The following DACH1 variants were observed in gnomAD, a reference collection of about 807,000 sequenced individuals.
The protein encoded by DACH1 is dachshund family transcription factor 1.
DACH1 carries 12 observed loss-of-function variants against 54.2 expected under a neutral mutation model. That is an observed-to-expected ratio of 0.22 (90% CI 0.14 to 0.36). The LOEUF is 0.36. Ranked by LOEUF, DACH1 falls within the 10% of genes least tolerant of loss-of-function variation. The pLI is 1.00. For missense variants in DACH1, 805 were observed against 929.8 expected (o/e 0.87, Z 1.75); for synonymous variants, 386 against 366.2 (o/e 1.05, Z -0.62).
In DACH1 at chr13:71,614,175, T is replaced by C. The variant is rs887894204; in HGVS notation, c.1126+16381A>G. ...ATGAAGAGAATGGTTTAAATCATCA[T>C]GGAGGGGAGAGTATATTACCACTAA... On this transcript the variant is annotated intron_variant, in intron 3 of 10. Transcript: ENST00000613252. Among the ~76,000 whole-genome samples the C allele has an allele frequency of 9.9e-5, 15 of 152,276 alleles. No homozygotes were observed. In the East Asian group the frequency reaches 2.7e-3, roughly 28 times the overall value.
chr13:71,705,431 G>A (rs945750065), intron 1 of DACH1, among the ~76,000 whole-genome samples: 3 of 152,192 alleles, frequency 2.0e-5, no homozygotes, highest in Non-Finnish European at 4.4e-5. Flanking sequence ...GTCTGCAAAT[G>A]AGCACTTGCT....
At chr13:71,861,907 C>CAAAAAA (rs71126514) in intron 1 of DACH1, among the ~76,000 whole-genome samples, 16 of 86,402 alleles carry the variant, frequency 1.9e-4, no homozygotes, top group Non-Finnish European at 2.6e-4. Context: ...AACTCCTAAC[C>CAAAAAA]AAAAAAAAAA....
At chr13:71,593,957 T>C (rs1432916057) in intron 3 of DACH1, among the ~76,000 whole-genome samples, 4 of 151,494 alleles carry the variant, frequency 2.6e-5, no homozygotes, top group Admixed American at 6.6e-5. Flanking sequence ...TTATGATAAG[T>C]ATAGGTTAAC....
intron 6 of DACH1, among the ~76,000 whole-genome samples, chr13:71,524,551 C>A (rs979687632): frequency 3.3e-5 from 5 of 152,026 alleles, no homozygotes; most frequent in African/African-American, 7.2e-5. Context: ...TACGTCAAAT[C>A]CCATTTTGTA....
At chr13:71,805,797 A>G (rs938363466) in intron 1 of DACH1, among the ~76,000 whole-genome samples, 3 of 152,104 alleles carry the variant, frequency 2.0e-5, no homozygotes, top group African/African-American at 7.2e-5. Context: ...TGCGATAATA[A>G]TATTCATTTG....
chr13:71,694,831 G>A (rs1021982712), intron 1 of DACH1, among the ~76,000 whole-genome samples: 1 of 152,054 alleles, frequency 6.6e-6, no homozygotes, highest in African/African-American at 2.4e-5. Flanking sequence ...AAGCATAATA[G>A]CTCACATTTA....
intron 1 of DACH1, among the ~76,000 whole-genome samples, chr13:71,804,110 G>C (rs1887394133): frequency 6.6e-6 from 1 of 152,002 alleles, no homozygotes; most frequent in African/African-American, 2.4e-5. Flanking sequence ...CTTGAGCCCA[G>C]GAGTTAGAGA....
chr13:71,475,129 G>T lies in DACH1; in HGVS notation c.2083+12C>A. 2 of 1,612,578 alleles carry T rather than the reference G, an allele frequency of 1.2e-6. No individual in the cohort carries two copies. Among genetic ancestry groups the T allele is most frequent in the Non-Finnish European group, 1.7e-6 (2 of 1,178,644 alleles). On this transcript the variant is annotated intron_variant, in intron 10 of 10. Transcript: ENST00000613252. ...GCAAGATCTAGATTTATAGCCTTCT[G>T]CAAATTCCTACCTTGTATTGTCCTT...
At chr13:71,579,458 G>T (rs963728469) in intron 3 of DACH1, among the ~76,000 whole-genome samples, 1 of 152,082 alleles carries the variant, frequency 6.6e-6, no homozygotes, top group African/African-American at 2.4e-5. Context: ...CGTAAAATCA[G>T]ATCTGATATC....
Position 71,705,343 on chromosome 13 carries a change from C to T in DACH1, c.849-23433G>A, listed in dbSNP as rs112371409. Among the ~76,000 whole-genome samples the T allele has an allele frequency of 1.0e-3, 151 of 151,126 alleles. 1 individual carries two copies. Among genetic ancestry groups the T allele is most frequent in the African/African-American group, 3.5e-3 (143 of 40,514 alleles). On this transcript the variant is annotated intron_variant, in intron 1 of 10. Coordinates refer to ENST00000613252, the MANE Select transcript of DACH1 (RefSeq NM_080759.6). ...CCAGAAACTAGAAAATGCTCTAAAG[C>T]GCTATTTAGGGACCGAAATGTTGTT...
At chr13:71,590,158 C>T (rs967552151) in intron 3 of DACH1, among the ~76,000 whole-genome samples, 1 of 151,982 alleles carries the variant, frequency 6.6e-6, no homozygotes, top group Non-Finnish European at 1.5e-5. Flanking sequence ...AGCCACACAG[C>T]GCACTATAAA....
At chr13:71,609,287 A>C (rs952473616) in intron 3 of DACH1, among the ~76,000 whole-genome samples, 2 of 152,144 alleles carry the variant, frequency 1.3e-5, no homozygotes, top group African/African-American at 4.8e-5. Flanking sequence ...TTGTGACCAT[A>C]CGAAGTCACC....
At chr13:71,510,393 T>C (rs1880685992) in intron 6 of DACH1, among the ~76,000 whole-genome samples, 1 of 151,964 alleles carries the variant, frequency 6.6e-6, no homozygotes. Flanking sequence ...ATCTAATAGA[T>C]ATCCTAAAAA....
intron 3 of DACH1, among the ~76,000 whole-genome samples, chr13:71,587,086 G>T (rs1342692841): frequency 1.3e-5 from 2 of 152,016 alleles, no homozygotes; most frequent in Non-Finnish European, 2.9e-5. Flanking sequence ...TCTTTCCATA[G>T]TTACAAAATG....
intron 2 of DACH1, among the ~76,000 whole-genome samples, chr13:71,659,207 C>T (rs923243149): frequency 2.6e-4 from 40 of 152,098 alleles, no homozygotes; most frequent in Admixed American, 1.3e-4. Context: ...CTGTATATCA[C>T]TTCTTCTAAA....
At chr13:71,570,976 A>G (rs1339596197) in intron 4 of DACH1, among the ~76,000 whole-genome samples, 1 of 152,228 alleles carries the variant, frequency 6.6e-6, no homozygotes, top group East Asian at 1.9e-4. Context: ...CCTGATATAA[A>G]TAAAGGCTTT....
intron 1 of DACH1, among the ~76,000 whole-genome samples, chr13:71,840,885 T>C (rs1872793708): frequency 6.6e-6 from 1 of 152,186 alleles, no homozygotes; most frequent in Non-Finnish European, 1.5e-5. Flanking sequence ...TCACTTTTCT[T>C]TCCGTCTTAC....
chr13:71,718,020 C>T (rs1318491694), intron 1 of DACH1, among the ~76,000 whole-genome samples: 1 of 151,960 alleles, frequency 6.6e-6, no homozygotes, highest in Non-Finnish European at 1.5e-5. Flanking sequence ...AATCACGTGT[C>T]CCAGTGTTTA....
intron 1 of DACH1, among the ~76,000 whole-genome samples, chr13:71,814,480 T>C (rs761695708): frequency 1.3e-5 from 2 of 152,224 alleles, no homozygotes; most frequent in Non-Finnish European, 2.9e-5. Flanking sequence ...TAAATGGGAT[T>C]CTATTAATAA....
Sources: gnomAD v4.1 joint callset for allele counts (sites outside exome capture counted in the v4.1 genomes callset) on GRCh38, gnomAD v4.1.1 for gene constraint, MANE v1.5 for transcripts, NCBI Gene and HGNC (gene_info 2026-07-23, HGNC 2026-07-21) for gene names.